NLGN4X: variants seen among roughly 807,000 people sequenced by gnomAD.
The protein encoded by NLGN4X is neuroligin-4, X-linked.
In NLGN4X, 3 loss-of-function variants were observed where a neutral mutation model predicts 40.3. That is an observed-to-expected ratio of 0.07 (90% confidence interval 0.03 to 0.19). The LOEUF (loss-of-function observed/expected upper bound fraction) is 0.19. Ranked by LOEUF, NLGN4X falls within the 10% of genes least tolerant of loss-of-function variation. NLGN4X has a pLI of 1.00. For missense variants in NLGN4X, 382 were observed against 708.3 expected (o/e 0.54, Z 5.23); for synonymous variants, 270 against 306.8 (o/e 0.88, Z 1.25).
At chrX:6,147,065 T>C (rs755870633) in intron 2 of NLGN4X, among the ~76,000 whole-genome samples, 1 of 112,364 alleles carries the variant, frequency 8.9e-6, no homozygotes, top group South Asian at 3.7e-4. Flanking sequence ...GTGCTCGGAT[T>C]AGAGGCATGA....
intron 2 of NLGN4X, among the ~76,000 whole-genome samples, chrX:6,088,968 A>C: frequency 8.9e-6 from 1 of 112,170 alleles, no homozygotes; most frequent in Non-Finnish European, 1.9e-5. Flanking sequence ...TGAATGAAAT[A>C]AAAAACCTCT....
chrX:6,029,051 T>C (rs1474249361), intron 3 of NLGN4X, among the ~76,000 whole-genome samples: 1 of 112,680 alleles, frequency 8.9e-6, no homozygotes, highest in African/African-American at 3.2e-5. Context: ...AAATTTCATT[T>C]CATCTTTAAG....
intron 3 of NLGN4X, among the ~76,000 whole-genome samples, chrX:5,938,488 T>C (rs2033805210): frequency 9.0e-6 from 1 of 111,194 alleles, no homozygotes; most frequent in African/African-American, 3.3e-5. Context: ...AGGTGTTCGG[T>C]TGGCTTTGCT....
intron 1 of NLGN4X, among the ~76,000 whole-genome samples, chrX:6,159,137 T>C (rs1396592825): frequency 8.9e-6 from 1 of 112,185 alleles, no homozygotes. Flanking sequence ...AGTGTGATTT[T>C]ATTTACATAA....
intron 3 of NLGN4X, among the ~76,000 whole-genome samples, chrX:5,956,051 T>C (rs2034482483): frequency 9.1e-6 from 1 of 109,628 alleles, no homozygotes; most frequent in African/African-American, 3.3e-5. Flanking sequence ...TTTCCTGATA[T>C]CAGGAATATG....
At position 5,903,381 on chromosome X, in the gene NLGN4X, G is replaced by T. The variant is rs2031994281; in HGVS notation, c.1297C>A (p.Pro433Thr). 1 of 1,211,357 alleles carries T rather than the reference G, an allele frequency of 8.3e-7. No individual in the cohort carries two copies. Among genetic ancestry groups the T allele is most frequent in the Non-Finnish European group, 1.1e-6 (1 of 895,278 alleles). ...MYTDWADKENPETRRKTLVAL... is the reference protein window; with the variant it reads ...MYTDWADKENTETRRKTLVAL... Reference sequence around the variant, plus strand: ...ACCAGGGTTTTCCGCCGCGTCTCCGGGTTTTCCTTATCGGCCCAGTCTGTG... The same window carrying T: ...ACCAGGGTTTTCCGCCGCGTCTCCGTGTTTTCCTTATCGGCCCAGTCTGTG... The change falls in exon 5 of 6, where the codon CCG (proline) becomes ACG (threonine). Residue 433 changes from proline (P) to threonine (T), a missense_variant. Physicochemically the swap from Pro to Thr is conservative, Grantham distance 38 (BLOSUM62 -1). This residue lies in a region of NLGN4X where 149 missense variants were observed against 375.8 expected (regional missense o/e 0.40). Transcript: ENST00000381095.
chrX:5,941,115 G>A (rs1487602658), intron 3 of NLGN4X, among the ~76,000 whole-genome samples: 1 of 95,543 alleles, frequency 1.0e-5, no homozygotes, highest in Non-Finnish European at 2.1e-5. Context: ...GTGACAGAGT[G>A]AGACACTCCC....
chrX:5,907,179 G>C (rs2032235687), intron 4 of NLGN4X, among the ~76,000 whole-genome samples: 1 of 111,918 alleles, frequency 8.9e-6, no homozygotes, highest in South Asian at 3.7e-4. Context: ...TTACAAAGCT[G>C]TCTTGATGAC....
At chrX:6,187,158 C>T (rs1373482056) in intron 1 of NLGN4X, 1 of 104,458 alleles carries the variant, frequency 9.6e-6, no homozygotes, top group Non-Finnish European at 2.0e-5. Flanking sequence ...GGATGGTCTC[C>T]ATCTCCTGAC....
chrX:6,227,346 C>G (rs1173264795), intron 1 of NLGN4X: 1 of 109,296 alleles, frequency 9.1e-6, no homozygotes, highest in Non-Finnish European at 1.9e-5. Context: ...CCCCGACACC[C>G]TCGCTCCGAG....
At chrX:5,930,742 G>T (rs1407788116) in intron 3 of NLGN4X, among the ~76,000 whole-genome samples, 2 of 112,423 alleles carry the variant, frequency 1.8e-5, no homozygotes, top group Non-Finnish European at 3.8e-5. Flanking sequence ...CATGAGGTCT[G>T]TGGAAGTGAA....
At chrX:5,991,648 G>A in intron 3 of NLGN4X, 1 of 397,157 alleles carries the variant, frequency 2.5e-6, no homozygotes, top group South Asian at 4.0e-5. Flanking sequence ...ACATCCATCA[G>A]TGCTAATAAC....
chrX:5,896,527 C>G (rs975929740), intron 5 of NLGN4X, among the ~76,000 whole-genome samples: 1 of 111,900 alleles, frequency 8.9e-6, no homozygotes, highest in Non-Finnish European at 1.9e-5. Flanking sequence ...ACAAGTTGGT[C>G]TCTCTAGTAA....
At chrX:6,008,440 T>C (rs1416710522) in intron 3 of NLGN4X, among the ~76,000 whole-genome samples, 2 of 112,246 alleles carry the variant, frequency 1.8e-5, no homozygotes, top group Non-Finnish European at 3.8e-5. Flanking sequence ...CTTGTAAACC[T>C]TGTAAACATT....
At chrX:6,069,960 CTT>C (rs1056057035) in intron 2 of NLGN4X, among the ~76,000 whole-genome samples, 1 of 111,847 alleles carries the variant, frequency 8.9e-6, no homozygotes, top group Admixed American at 9.5e-5. Flanking sequence ...ACACCCAAGT[CTT>C]TATGTATTCC....
At chrX:6,104,010 A>G (rs1164290043) in intron 2 of NLGN4X, among the ~76,000 whole-genome samples, 4 of 111,879 alleles carry the variant, frequency 3.6e-5, no homozygotes, top group African/African-American at 1.3e-4. Context: ...TGTGATTTGC[A>G]TAAGTGTGCA....
At chrX:6,114,818 C>T (rs766291152) in intron 2 of NLGN4X, among the ~76,000 whole-genome samples, 35 of 111,108 alleles carry the variant, frequency 3.2e-4, no homozygotes, top group Non-Finnish European at 1.9e-5. Context: ...TGCCAGCCTT[C>T]CACATTTCTG....
chrX:5,992,832 A>T (rs1033895550), intron 3 of NLGN4X, among the ~76,000 whole-genome samples: 2 of 110,730 alleles, frequency 1.8e-5, no homozygotes, highest in Non-Finnish European at 3.8e-5. Flanking sequence ...CCTGAGAAAT[A>T]ATAGAGCAAG....
In NLGN4X at chrX:6,047,103, A is replaced by T. The variant is rs758994892; in HGVS notation, c.473-17671T>A. On this transcript the variant is annotated intron_variant, in intron 2 of 5. Transcript: ENST00000381095. ...TTTTTAATAAAGAATGACATTACTCAGGAAATATATACATAAATCAGAAAA... is the reference window on the plus strand; with the variant it reads ...TTTTTAATAAAGAATGACATTACTCTGGAAATATATACATAAATCAGAAAA... Among the ~76,000 whole-genome samples, 9 of 110,746 alleles carry T rather than the reference A, an allele frequency of 8.1e-5. No homozygotes were observed. The East Asian group carries it at 2.5e-3, about 31-fold the overall frequency.
Sources: gnomAD v4.1 joint callset for allele counts (sites outside exome capture counted in the v4.1 genomes callset) on GRCh38, gnomAD v4.1.1 for gene constraint, gnomAD v4.1.1 regional missense constraint, MANE v1.5 for transcripts, NCBI Gene and HGNC (gene_info 2026-07-23, HGNC 2026-07-21) for gene names.